Variants in CCSER1 observed in about 807,000 individuals in gnomAD.
CCSER1 encodes the protein serine-rich coiled-coil domain-containing protein 1.
CCSER1 carries 41 observed loss-of-function variants against 82.0 expected under a neutral mutation model. The observed-to-expected ratio is 0.50, with a 90% CI of 0.39 to 0.65. The LOEUF (loss-of-function observed/expected upper bound fraction) is 0.65. Among genes scored for constraint, CCSER1 ranks in the 30% least tolerant of loss-of-function variants. The pLI, the probability that CCSER1 is intolerant of heterozygous loss-of-function variation, is 0.00. For missense variants in CCSER1, 1,119 were observed against 1,064.2 expected, an observed-to-expected ratio of 1.05 and a Z score of -0.72; for synonymous variants, 414 against 383.9, an observed-to-expected ratio of 1.08 and a Z score of -0.92.
chr4:91,209,494 G>T (rs1330422439), intron 10 of CCSER1, among the ~76,000 whole-genome samples: 1 of 151,802 alleles, frequency 6.6e-6, no homozygotes, highest in Non-Finnish European at 1.5e-5. Flanking sequence ...CTTTAATTCT[G>T]TTTATGCGAT....
chr4:90,831,133 C>T (rs143494688), intron 8 of CCSER1, among the ~76,000 whole-genome samples: 4 of 152,000 alleles, frequency 2.6e-5, no homozygotes, highest in Non-Finnish European at 4.4e-5. Context: ...CTAAGATATG[C>T]GTCAGTGTGG....
chr4:91,363,954 A>G (rs1749437799), intron 10 of CCSER1, among the ~76,000 whole-genome samples: 2 of 151,684 alleles, frequency 1.3e-5, no homozygotes, highest in Admixed American at 1.3e-4. Context: ...TATTGTATTG[A>G]TTATACTTTC....
intron 3 of CCSER1, among the ~76,000 whole-genome samples, chr4:90,374,113 A>G (rs1578168051): frequency 6.6e-6 from 1 of 152,180 alleles, no homozygotes. Flanking sequence ...TAGACCCTTC[A>G]TAGTTCCTGA....
At position 91,146,123 on chromosome 4, in the gene CCSER1, A is replaced by T. The variant is rs181413962; in HGVS notation, c.2217+60129A>T. ...TTCTTGGAGGCTTTGTTCATTTTTT[A>T]AAATTATTATTTTTATGTTCATCTA... is the stretch of plus-strand genomic sequence containing the variant. On this transcript the variant is annotated intron_variant, in intron 10 of 10. Coordinates refer to ENST00000509176, the MANE Select transcript of CCSER1 (RefSeq NM_001145065.2). Among the ~76,000 whole-genome samples, 134 of 152,178 alleles carry T rather than the reference A, an allele frequency of 8.8e-4. 1 individual carries two copies. The East Asian group carries it at 0.023, about 26-fold the overall frequency.
At chr4:90,534,607 C>T (rs570438139) in intron 5 of CCSER1, among the ~76,000 whole-genome samples, 1 of 152,024 alleles carries the variant, frequency 6.6e-6, no homozygotes, top group Non-Finnish European at 1.5e-5. Flanking sequence ...TTCACATGCT[C>T]ACACAGAGAT....
intron 3 of CCSER1, among the ~76,000 whole-genome samples, chr4:90,319,133 TCTAA>T (rs1298934723): frequency 2.0e-5 from 3 of 152,198 alleles, no homozygotes; most frequent in African/African-American, 4.8e-5. Context: ...TGTTCATTTC[TCTAA>T]CTGAGACCCA....
At chr4:91,483,872 AC>A (rs1758081830) in intron 10 of CCSER1, among the ~76,000 whole-genome samples, 1 of 152,164 alleles carries the variant, frequency 6.6e-6, no homozygotes, top group Non-Finnish European at 1.5e-5. Context: ...GTTCTAGGGA[AC>A]GATAACCCCA....
At chr4:90,660,767 G>A (rs1423506691) in intron 6 of CCSER1, among the ~76,000 whole-genome samples, 1 of 152,104 alleles carries the variant, frequency 6.6e-6, no homozygotes, top group African/African-American at 2.4e-5. Context: ...AGTAGAAATG[G>A]TGGAGGAACC....
chr4:90,455,090 G>C (rs1477958990), intron 4 of CCSER1, among the ~76,000 whole-genome samples: 1 of 152,146 alleles, frequency 6.6e-6, no homozygotes, highest in East Asian at 1.9e-4. Flanking sequence ...CACCAGGAGG[G>C]CAGAATCAAT....
intron 1 of CCSER1, among the ~76,000 whole-genome samples, chr4:90,223,252 G>A (rs1381557415): frequency 1.3e-5 from 2 of 152,090 alleles, no homozygotes; most frequent in African/African-American, 2.4e-5. Flanking sequence ...TTAAACAATT[G>A]ATATGTATTT....
At chr4:91,083,801 A>G (rs536292632) in intron 9 of CCSER1, among the ~76,000 whole-genome samples, 62 of 152,282 alleles carry the variant, frequency 4.1e-4, no homozygotes, top group Non-Finnish European at 7.1e-4. Flanking sequence ...AGTAGAAAAC[A>G]TACAAAATAC....
intron 9 of CCSER1, among the ~76,000 whole-genome samples, chr4:91,048,060 A>G (rs1473539407): frequency 3.9e-5 from 6 of 152,014 alleles, no homozygotes; most frequent in Non-Finnish European, 1.5e-5. Context: ...ACTCACCCCA[A>G]CTGAAAAATC....
chr4:90,605,214 C>T (rs1207929108), intron 5 of CCSER1, among the ~76,000 whole-genome samples: 1 of 152,186 alleles, frequency 6.6e-6, no homozygotes, highest in Non-Finnish European at 1.5e-5. Context: ...GACATAGCAT[C>T]TTTAAGAACG....
intron 1 of CCSER1, among the ~76,000 whole-genome samples, chr4:90,141,750 A>G (rs1390445313): frequency 6.6e-6 from 1 of 152,226 alleles, no homozygotes. Flanking sequence ...CCCATGAGCA[A>G]TGCCCCTCCA....
Position 90,141,949 on chromosome 4 carries a change from A to G in CCSER1, c.-42+14118A>G, listed in dbSNP as rs149418637. 5.3e-3 allele frequency among the ~76,000 whole-genome samples: 805 copies of G among 152,318 alleles called. 2 individuals carry two copies. The highest frequency in any genetic ancestry group is 0.014 in the Middle Eastern group (4 of 294). Reference sequence around the variant, plus strand: ...TTTGTACCTGTACTCGACCTTTGCAAAGGTGATTCAATATATGCCCAGAGA... The same window carrying G: ...TTTGTACCTGTACTCGACCTTTGCAGAGGTGATTCAATATATGCCCAGAGA... On this transcript the variant is annotated intron_variant, in intron 1 of 10. Transcript: ENST00000509176.
chr4:91,574,739 A>G (rs1307759162), intron 10 of CCSER1, among the ~76,000 whole-genome samples: 1 of 152,032 alleles, frequency 6.6e-6, no homozygotes, highest in Non-Finnish European at 1.5e-5. Context: ...TACCAGGGAC[A>G]TTAGGGAGGG....
chr4:91,460,719 G>A lies in CCSER1; in HGVS notation c.2218-137853G>A, dbSNP rs113998311. On this transcript the variant is annotated intron_variant, in intron 10 of 10. Transcript: ENST00000509176. ...CCAGTGTTTACTCTTCGAGCACACC[G>A]TGAAAGCCAGGTGGTAAAATCTCTT... 6.1e-3 allele frequency among the ~76,000 whole-genome samples: 923 copies of A among 152,196 alleles called. 6 individuals are homozygous for A. Among genetic ancestry groups the A allele is most frequent in the African/African-American group, 0.018 (751 of 41,522 alleles).
intron 10 of CCSER1, among the ~76,000 whole-genome samples, chr4:91,487,665 A>G (rs1227046061): frequency 6.6e-6 from 1 of 152,116 alleles, no homozygotes; most frequent in Non-Finnish European, 1.5e-5. Context: ...TGTAACTCTC[A>G]AATTTTCTAT....
chr4:91,141,437 C>G lies in CCSER1; in HGVS notation c.2217+55443C>G, dbSNP rs561869992. On this transcript the variant is annotated intron_variant, in intron 10 of 10. Transcript: ENST00000509176. ...AAAGTGCTGGGATTATAGGCATGAA[C>G]CACCATGCCTGGCCCAATTTCATTC... is the stretch of plus-strand genomic sequence containing the variant. 3.9e-4 allele frequency among the ~76,000 whole-genome samples: 59 copies of G among 152,310 alleles called. 2 individuals carry two copies. In the South Asian group the frequency reaches 0.01, roughly 27 times the overall value.
Sources: allele counts gnomAD v4.1 joint callset (sites outside exome capture counted in the v4.1 genomes callset), GRCh38; gene constraint gnomAD v4.1.1; transcripts MANE v1.5; gene names NCBI Gene and HGNC (gene_info 2026-07-23, HGNC 2026-07-21).